DEUP1: variants seen among roughly 807,000 people sequenced by gnomAD.
The protein encoded by DEUP1 is coiled-coil domain containing 67.
In DEUP1, 82 loss-of-function variants were observed where a neutral mutation model predicts 87.4. The ratio of observed to expected loss-of-function variants is 0.94; its 90% CI spans 0.78 to 1.13. DEUP1 has a LOEUF of 1.13. DEUP1 is among the 50% of genes most tolerant of loss of function. The probability of loss-of-function intolerance (pLI) is 0.00; values close to 1 mark genes in which losing one functional copy is unlikely to be tolerated. For synonymous variants in DEUP1, 214 were observed against 222.7 expected, an observed-to-expected ratio of 0.96 and a Z score of 0.35; for missense variants, 663 against 681.5, an observed-to-expected ratio of 0.97 and a Z score of 0.30.
At chr11:93,373,623 A>ATATG (rs1565316282) in intron 7 of DEUP1, among the ~76,000 whole-genome samples, 1 of 106,890 alleles carries the variant, frequency 9.4e-6, no homozygotes, top group African/African-American at 3.7e-5. Flanking sequence ...GTATATATAT[A>ATATG]CGTATATATA....
At position 93,384,887 on chromosome 11, in the gene DEUP1, C is replaced by A. The variant is rs115529205; in HGVS notation, c.790-511C>A. 4.7e-3 allele frequency among the ~76,000 whole-genome samples: 709 copies of A among 152,092 alleles called. 3 individuals are homozygous for A. The highest frequency in any genetic ancestry group is 0.016 in the African/African-American group (678 of 41,422). On this transcript the variant is annotated intron_variant, in intron 7 of 13. Coordinates refer to ENST00000298050, the MANE Select transcript of DEUP1 (RefSeq NM_181645.4). Reference sequence around the variant, plus strand: ...GAGAACAGGTTCTGTGTCTGTATCCCCAGAGCACCTAATAAAAACTCAGTA... The same window carrying A: ...GAGAACAGGTTCTGTGTCTGTATCCACAGAGCACCTAATAAAAACTCAGTA...
At chr11:93,432,399 A>C (rs562348106) in intron 13 of DEUP1, among the ~76,000 whole-genome samples, 1 of 152,212 alleles carries the variant, frequency 6.6e-6, no homozygotes, top group East Asian at 1.9e-4. Context: ...CCAGGCCACA[A>C]CGTAATGAGT....
Position 93,399,059 on chromosome 11 carries a change from T to C in DEUP1, c.1326+2734T>C, listed in dbSNP as rs187454481. On this transcript the variant is annotated intron_variant, in intron 11 of 13. Coordinates refer to ENST00000298050, the MANE Select transcript of DEUP1 (RefSeq NM_181645.4). The stretch of plus-strand genomic sequence containing the variant: ...TTTAACAATGCTTTTCCAAATCTGT[T>C]GTTTGTAACTTTGTTTATGACTTTT... 7.6e-4 allele frequency among the ~76,000 whole-genome samples: 116 copies of C among 152,242 alleles called. 1 individual carries two copies. The East Asian group carries it at 0.021, about 27-fold the overall frequency.
At chr11:93,396,204 G>T (rs1310230941) in intron 10 of DEUP1, 35 bp from the exon 11 acceptor site, 9 of 1,296,694 alleles carry the variant, frequency 6.9e-6, no homozygotes, top group South Asian at 2.7e-5. Flanking sequence ...TTTTTATTAT[G>T]AATTTTACAT....
chr11:93,330,055 G>A (rs1401137835), upstream of DEUP1: 1 of 152,210 alleles, frequency 6.6e-6, no homozygotes, highest in Non-Finnish European at 1.5e-5. Context: ...CTGACTGGCA[G>A]TGTTTTAAGG....
chr11:93,410,185 A>G (rs1280361943), intron 12 of DEUP1, among the ~76,000 whole-genome samples: 1 of 152,206 alleles, frequency 6.6e-6, no homozygotes, highest in African/African-American at 2.4e-5. Context: ...AACAGTAACC[A>G]TTCAAAAGTA....
chr11:93,381,148 C>G (rs1203685753), intron 7 of DEUP1, among the ~76,000 whole-genome samples: 1 of 152,098 alleles, frequency 6.6e-6, no homozygotes, highest in African/African-American at 2.4e-5. Context: ...GAAAATACAT[C>G]AATTATTTAT....
intron 7 of DEUP1, among the ~76,000 whole-genome samples, chr11:93,383,773 T>C (rs1338747305): frequency 6.6e-6 from 1 of 152,278 alleles, no homozygotes; most frequent in South Asian, 2.1e-4. Context: ...CCCTTGCCCT[T>C]AGAACCTCCC....
intron 2 of DEUP1, among the ~76,000 whole-genome samples, chr11:93,349,339 G>A (rs918933381): frequency 6.6e-6 from 1 of 152,028 alleles, no homozygotes; most frequent in Admixed American, 6.5e-5. Context: ...AGTGAAAGGT[G>A]GCTTACTCAT....
At chr11:93,429,482 A>T (rs1249701239) in intron 13 of DEUP1, among the ~76,000 whole-genome samples, 1 of 152,162 alleles carries the variant, frequency 6.6e-6, no homozygotes, top group Non-Finnish European at 1.5e-5. Flanking sequence ...GTGTCAGATG[A>T]TTTTAGGATT....
At position 93,355,393 on chromosome 11, in the gene DEUP1, C is replaced by T. The variant is rs775439544; in HGVS notation, c.52C>T (p.Leu18Phe). 3 of 1,613,272 alleles carry T rather than the reference C, an allele frequency of 1.9e-6. No homozygotes were observed. Among genetic ancestry groups the T allele is most frequent in the African/African-American group, 1.3e-5 (1 of 74,862 alleles). Residue 18 changes from leucine (L) to phenylalanine (F), a missense_variant, in exon 3 of 14, where the codon CTT becomes TTT. By Grantham distance (22) the Leu-to-Phe change is conservative. Coordinates refer to ENST00000298050, the MANE Select transcript of DEUP1 (RefSeq NM_181645.4). ...CAGAACTTCTCCTTGTGAGGCTGAGCTTCAGGAATTAATGGAACAAATTGA... is the reference window on the plus strand; with the variant it reads ...CAGAACTTCTCCTTGTGAGGCTGAGTTTCAGGAATTAATGGAACAAATTGA... ...TMGTSPCEAE[L>F]QELMEQIDIM...
chr11:93,373,592 T>C (rs548134506), intron 7 of DEUP1, among the ~76,000 whole-genome samples: 13 of 138,922 alleles, frequency 9.4e-5, no homozygotes, highest in East Asian at 8.6e-4. Context: ...CATATATATA[T>C]ACGTATATAT....
chr11:93,363,208 T>C (rs947303577), intron 4 of DEUP1, among the ~76,000 whole-genome samples: 12 of 151,762 alleles, frequency 7.9e-5, no homozygotes, highest in African/African-American at 2.9e-4. Context: ...TTTTCAGGGA[T>C]TAGGGGTTGG....
At chr11:93,331,752 A>C (rs1313944862) in intron 1 of DEUP1, among the ~76,000 whole-genome samples, 3 of 152,228 alleles carry the variant, frequency 2.0e-5, no homozygotes, top group Non-Finnish European at 4.4e-5. Flanking sequence ...TCAATAAATC[A>C]CTAAGTCAAT....
At chr11:93,430,587 G>C (rs1276519794) in intron 13 of DEUP1, among the ~76,000 whole-genome samples, 2 of 152,144 alleles carry the variant, frequency 1.3e-5, no homozygotes, top group Non-Finnish European at 1.5e-5. Flanking sequence ...GCAGTGGGGA[G>C]GGAGAAACAA....
intron 13 of DEUP1, among the ~76,000 whole-genome samples, chr11:93,415,925 TG>T: frequency 6.6e-6 from 1 of 152,112 alleles, no homozygotes; most frequent in Non-Finnish European, 1.5e-5. Flanking sequence ...ATTTCCAATT[TG>T]GGGCTATTAC....
intron 12 of DEUP1, 91 bp downstream of exon 12, chr11:93,408,518 T>A: frequency 2.4e-6 from 2 of 826,960 alleles, no homozygotes; most frequent in Non-Finnish European, 3.7e-6. Context: ...TTTATACGCT[T>A]TCTCTTCTGT....
chr11:93,437,299 G>T (rs953156563), intron 13 of DEUP1, among the ~76,000 whole-genome samples: 14 of 152,218 alleles, frequency 9.2e-5, no homozygotes, highest in African/African-American at 3.4e-4. Flanking sequence ...TTTGCAGTTG[G>T]ACAATATAAC....
At chr11:93,430,260 T>C (rs1238320324) in intron 13 of DEUP1, among the ~76,000 whole-genome samples, 3 of 152,086 alleles carry the variant, frequency 2.0e-5, no homozygotes, top group African/African-American at 7.2e-5. Flanking sequence ...ACCAACTATA[T>C]GGCAGTTCCT....
Sources: gnomAD v4.1 joint callset for allele counts (sites outside exome capture counted in the v4.1 genomes callset) on GRCh38, gnomAD v4.1.1 for gene constraint, MANE v1.5 for transcripts, NCBI Gene and HGNC (gene_info 2026-07-23, HGNC 2026-07-21) for gene names.